Variants in BBOX1 observed in about 807,000 individuals in gnomAD.
BBOX1 encodes the protein gamma-butyrobetaine hydroxylase 1, also known as gamma-butyrobetaine dioxygenase.
BBOX1 carries 35 observed loss-of-function variants against 41.6 expected under a neutral mutation model. The ratio of observed to expected loss-of-function variants is 0.84; its 90% CI spans 0.64 to 1.11. The LOEUF (loss-of-function observed/expected upper bound fraction) is 1.11, where lower values mean the gene tolerates loss of function less well. Ranked by LOEUF, BBOX1 falls within the 50% of genes most tolerant of loss-of-function variation. BBOX1 has a pLI of 0.00. For synonymous variants in BBOX1, 163 were observed against 154.7 expected (o/e 1.05, Z -0.40); for missense variants, 458 against 460.6 (o/e 0.99, Z 0.05).
chr11:27,110,945 C>T (rs1250703601), intron 5 of BBOX1, among the ~76,000 whole-genome samples: 1 of 151,786 alleles, frequency 6.6e-6, no homozygotes, highest in Admixed American at 6.6e-5. Context: ...TAAACATGGC[C>T]TCCTTTCAAT....
At position 27,050,669 on chromosome 11, in the gene BBOX1, C is replaced by T. The variant is rs141199441; in HGVS notation, c.-38-4724C>T. On this transcript the variant is annotated intron_variant, in intron 2 of 8. Transcript: ENST00000263182. ...TAGTTGTTATTATACATAAATGCTA[C>T]GAATATTTGTATGTTGATTTTGCAT... Among the ~76,000 whole-genome samples the T allele has an allele frequency of 3.5e-3, 532 of 152,164 alleles. 5 individuals are homozygous for T. The highest frequency in any genetic ancestry group is 0.012 in the African/African-American group (484 of 41,534).
chr11:27,087,993 A>G (rs1858102649), intron 4 of BBOX1, among the ~76,000 whole-genome samples: 2 of 152,058 alleles, frequency 1.3e-5, no homozygotes, highest in African/African-American at 4.8e-5. Flanking sequence ...CTTTGTGTGA[A>G]TATGGTTAAC....
intron 5 of BBOX1, among the ~76,000 whole-genome samples, chr11:27,105,702 C>A (rs1252750829): frequency 2.0e-5 from 3 of 152,052 alleles, no homozygotes; most frequent in African/African-American, 4.8e-5. Context: ...CCCAATCTAG[C>A]AAGGCAGGCC....
intron 4 of BBOX1, among the ~76,000 whole-genome samples, chr11:27,071,098 G>A (rs1284940859): frequency 6.6e-6 from 1 of 152,080 alleles, no homozygotes; most frequent in Non-Finnish European, 1.5e-5. Flanking sequence ...AAAGAGGTCA[G>A]GTGCGGTGGC....
At chr11:27,125,206 T>A (rs866231162) in intron 7 of BBOX1, among the ~76,000 whole-genome samples, 1 of 152,194 alleles carries the variant, frequency 6.6e-6, no homozygotes. Flanking sequence ...ATCATGCATT[T>A]CAAACTATTT....
At chr11:27,096,921 T>C (rs888897589) in intron 5 of BBOX1, among the ~76,000 whole-genome samples, 2 of 152,044 alleles carry the variant, frequency 1.3e-5, no homozygotes, top group African/African-American at 4.8e-5. Flanking sequence ...CATGTCATTT[T>C]CCACATCTGT....
At chr11:27,059,815 T>G (rs1002892876) in intron 4 of BBOX1, among the ~76,000 whole-genome samples, 36 of 152,336 alleles carry the variant, frequency 2.4e-4, no homozygotes, top group Middle Eastern at 3.4e-3. Context: ...CCCTTTCTTT[T>G]GGTTGATTTC....
chr11:27,112,776 C>T (rs1210334012), intron 5 of BBOX1, among the ~76,000 whole-genome samples: 2 of 151,848 alleles, frequency 1.3e-5, no homozygotes, highest in Non-Finnish European at 2.9e-5. Context: ...ATAACAAAAA[C>T]AATTGCAACA....
At chr11:27,047,162 T>C (rs1450425203) in intron 2 of BBOX1, 1 of 152,190 alleles carries the variant, frequency 6.6e-6, no homozygotes, top group African/African-American at 2.4e-5. Context: ...TTCTCCCATG[T>C]GCCTTGGGCA....
chr11:27,057,108 C>A, intron 3 of BBOX1, 93 bp from the exon 4 acceptor site: 3 of 502,578 alleles, frequency 6.0e-6, no homozygotes, highest in South Asian at 3.7e-5. Context: ...TAATTGGATT[C>A]CCTGATTATC....
At chr11:27,090,213 C>A (rs1444759780) in intron 4 of BBOX1, among the ~76,000 whole-genome samples, 1 of 151,882 alleles carries the variant, frequency 6.6e-6, no homozygotes, top group African/African-American at 2.4e-5. Context: ...TTGGGGGAAA[C>A]TGCCCCCAAT....
chr11:27,104,879 C>T (rs957252928), intron 5 of BBOX1, among the ~76,000 whole-genome samples: 1 of 152,162 alleles, frequency 6.6e-6, no homozygotes, highest in Non-Finnish European at 1.5e-5. Flanking sequence ...GCCTGGTACC[C>T]CTCTGAGACA....
rs141834913 is a variant in BBOX1 at position 27,094,005 on chromosome 11, G to C, written c.533+639G>C. On this transcript the variant is annotated intron_variant, in intron 5 of 8. Transcript: ENST00000263182. ...ACAACATATTAAACTTTATGTTAAA[G>C]TTCATTAAACTTTTACCTCCCAAGA... 3.4e-4 allele frequency among the ~76,000 whole-genome samples: 51 copies of C among 152,096 alleles called. 1 individual carries two copies. Among genetic ancestry groups the C allele is most frequent in the African/African-American group, 1.1e-3 (47 of 41,530 alleles).
intron 4 of BBOX1, among the ~76,000 whole-genome samples, chr11:27,091,139 T>C (rs558139102): frequency 3.3e-5 from 5 of 151,942 alleles, no homozygotes; most frequent in African/African-American, 1.2e-4. Flanking sequence ...GTCCATGAAA[T>C]CTTCACAATT....
chr11:27,086,801 C>G (rs1217097617), intron 4 of BBOX1, among the ~76,000 whole-genome samples: 1 of 152,044 alleles, frequency 6.6e-6, no homozygotes, highest in Non-Finnish European at 1.5e-5. Context: ...ATTCTAGATG[C>G]TATTATGAAC....
At chr11:27,105,857 C>T (rs1282763377) in intron 5 of BBOX1, among the ~76,000 whole-genome samples, 1 of 152,048 alleles carries the variant, frequency 6.6e-6, no homozygotes, top group Non-Finnish European at 1.5e-5. Flanking sequence ...TCGGGTTACC[C>T]ACAAAGGGAA....
At chr11:27,080,238 T>C (rs10835115) in intron 4 of BBOX1, among the ~76,000 whole-genome samples, 2 of 151,950 alleles carry the variant, frequency 1.3e-5, no homozygotes, top group Admixed American at 1.3e-4. Flanking sequence ...CAAAGTTTGA[T>C]TTAAGGGTAT....
chr11:27,112,140 T>G (rs765324631), intron 5 of BBOX1, among the ~76,000 whole-genome samples: 7 of 151,940 alleles, frequency 4.6e-5, no homozygotes, highest in African/African-American at 7.2e-5. Context: ...GGAAACTCTA[T>G]AGGTCAAATT....
chr11:27,046,673 C>T (rs992876401), intron 2 of BBOX1, among the ~76,000 whole-genome samples: 1 of 152,088 alleles, frequency 6.6e-6, no homozygotes, highest in African/African-American at 2.4e-5. Context: ...TTGTCAAAGA[C>T]ATCCCACTGA....
Sources: allele counts gnomAD v4.1 joint callset (sites outside exome capture counted in the v4.1 genomes callset), GRCh38; gene constraint gnomAD v4.1.1; transcripts MANE v1.5; gene names NCBI Gene and HGNC (gene_info 2026-07-23, HGNC 2026-07-21).